The following NXPE2 variants were observed in gnomAD, a reference collection of about 807,000 sequenced individuals.
NXPE2 encodes the protein neurexophilin and PC-esterase domain family member 2, also known as NXPE family member 2.
A neutral mutation model predicts 34.4 loss-of-function variants in NXPE2; 34 were observed. The ratio of observed to expected loss-of-function variants is 0.99; its 90% CI spans 0.75 to 1.31. The LOEUF (loss-of-function observed/expected upper bound fraction) is 1.31. Among genes scored for constraint, NXPE2 ranks in the 40% most tolerant of loss-of-function variants. The probability of loss-of-function intolerance (pLI) is 0.00; values close to 1 mark genes in which losing one functional copy is unlikely to be tolerated. For synonymous variants in NXPE2, 235 were observed against 231.3 expected (o/e 1.02, Z -0.15); for missense variants, 649 against 672.5 (o/e 0.97, Z 0.39).
At chr11:114,504,297 G>C in the NXPE2 span, among the ~76,000 whole-genome samples, 1 of 151,896 alleles carries the variant, frequency 6.6e-6, no homozygotes, top group African/African-American at 2.4e-5. Flanking sequence ...ACTGAAAACA[G>C]GGGATCCTCC....
chr11:114,734,331 T>C, the NXPE2 span, among the ~76,000 whole-genome samples: 1 of 152,222 alleles, frequency 6.6e-6, no homozygotes, highest in Non-Finnish European at 1.5e-5. Flanking sequence ...TGCTATTTGC[T>C]ATATGTCTTA....
the NXPE2 span, among the ~76,000 whole-genome samples, chr11:114,727,577 TCTG>T: frequency 6.6e-6 from 1 of 152,078 alleles, no homozygotes; most frequent in Non-Finnish European, 1.5e-5. Flanking sequence ...GGCATGTTAA[TCTG>T]ACACAACTTA....
chr11:114,663,120 A>G, the NXPE2 span, among the ~76,000 whole-genome samples: 16 of 152,176 alleles, frequency 1.1e-4, no homozygotes, highest in Non-Finnish European at 1.3e-4. Context: ...AGGCTGACTG[A>G]AGAGCCCTTG....
chr11:114,778,178 G>A, the NXPE2 span, among the ~76,000 whole-genome samples: 2 of 152,178 alleles, frequency 1.3e-5, no homozygotes, highest in African/African-American at 4.8e-5. Flanking sequence ...AGTTAAATAG[G>A]AGTGATTTCA....
At chr11:114,542,616 T>TA in the NXPE2 span, among the ~76,000 whole-genome samples, 1 of 152,156 alleles carries the variant, frequency 6.6e-6, no homozygotes, top group Non-Finnish European at 1.5e-5. Flanking sequence ...ATTTGCCTTA[T>TA]AGTTATTAAC....
chr11:114,753,390 C>T, the NXPE2 span, among the ~76,000 whole-genome samples: 4 of 135,180 alleles, frequency 3.0e-5, no homozygotes, highest in Non-Finnish European at 1.7e-5. Context: ...AAGACCCTGT[C>T]TTAGAAAAAA....
At chr11:114,651,078 A>C in the NXPE2 span, among the ~76,000 whole-genome samples, 1 of 150,124 alleles carries the variant, frequency 6.7e-6, no homozygotes, top group East Asian at 1.9e-4. Context: ...AATGTATAAT[A>C]ATATATATAC....
At chr11:114,617,871 T>C in the NXPE2 span, among the ~76,000 whole-genome samples, 6 of 152,032 alleles carry the variant, frequency 3.9e-5, no homozygotes, top group African/African-American at 1.4e-4. Flanking sequence ...GCCTCATGGG[T>C]AACCACTCTT....
At chr11:114,663,598 T>C in the NXPE2 span, among the ~76,000 whole-genome samples, 1 of 96,392 alleles carries the variant, frequency 1.0e-5, no homozygotes, top group African/African-American at 3.7e-5. Context: ...TCTATCTATC[T>C]ATCTATCTAT....
the NXPE2 span, among the ~76,000 whole-genome samples, chr11:114,600,678 TAGA>T: frequency 1.3e-5 from 2 of 152,032 alleles, no homozygotes; most frequent in Non-Finnish European, 2.9e-5. Flanking sequence ...GGTCCTGAAA[TAGA>T]AGAAGGACAT....
the NXPE2 span, among the ~76,000 whole-genome samples, chr11:114,546,324 T>C: frequency 1.3e-5 from 2 of 152,168 alleles, no homozygotes; most frequent in African/African-American, 4.8e-5. Context: ...TGAAGGCTAG[T>C]GTGTGAACCA....
At chr11:114,661,411 G>A in the NXPE2 span, among the ~76,000 whole-genome samples, 1 of 152,164 alleles carries the variant, frequency 6.6e-6, no homozygotes, top group Non-Finnish European at 1.5e-5. Context: ...TACTCAGATA[G>A]GCAACAAAGG....
At chr11:114,639,090 C>A in the NXPE2 span, among the ~76,000 whole-genome samples, 1 of 152,178 alleles carries the variant, frequency 6.6e-6, no homozygotes, top group South Asian at 2.1e-4. Flanking sequence ...CAGAGGCAGG[C>A]AGCCCTCCTT....
At chr11:114,674,951 A>G (rs529357290), upstream of NXPE2, among the ~76,000 whole-genome samples, 3 of 151,986 alleles carry the variant, frequency 2.0e-5, no homozygotes, top group Non-Finnish European at 2.9e-5. Context: ...AGAATGATTC[A>G]CCATAATCAA....
chr11:114,569,075 C>A, the NXPE2 span, among the ~76,000 whole-genome samples: 1 of 152,004 alleles, frequency 6.6e-6, no homozygotes, highest in Non-Finnish European at 1.5e-5. Context: ...TCCTGCTGCC[C>A]CCAAAAAACT....
At chr11:114,732,227 T>C in the NXPE2 span, among the ~76,000 whole-genome samples, 1 of 152,190 alleles carries the variant, frequency 6.6e-6, no homozygotes, top group African/African-American at 2.4e-5. Context: ...TTCCCTTATC[T>C]CCATTGTAGT....
the NXPE2 span, among the ~76,000 whole-genome samples, chr11:114,737,040 G>T: frequency 6.4e-4 from 98 of 152,194 alleles, no homozygotes; most frequent in African/African-American, 2.2e-3. Context: ...CCTGACTCTT[G>T]CACTCCCTCC....
chr11:114,523,438 T>C, the NXPE2 span, among the ~76,000 whole-genome samples: 1 of 152,188 alleles, frequency 6.6e-6, no homozygotes. Flanking sequence ...GTTAGTGGTC[T>C]GCCAGTTGGT....
At chr11:114,752,467 A>T in the NXPE2 span, among the ~76,000 whole-genome samples, 1 of 152,222 alleles carries the variant, frequency 6.6e-6, no homozygotes, top group Non-Finnish European at 1.5e-5. Context: ...TATCACTATC[A>T]ACAACAGAGA....
Sources: gnomAD v4.1 joint callset for allele counts (sites outside exome capture counted in the v4.1 genomes callset) on GRCh38, gnomAD v4.1.1 for gene constraint, MANE v1.5 for transcripts, NCBI Gene and HGNC (gene_info 2026-07-23, HGNC 2026-07-21) for gene names.